Variants in IFNG-AS1 observed in about 807,000 individuals in gnomAD.
IFNG-AS1 encodes the protein IFNG antisense RNA 1 (non-protein coding).
At chr12:68,015,848 G>A (rs919864255) in intron 3 of IFNG-AS1, among the ~76,000 whole-genome samples, 6 of 152,076 alleles carry the variant, frequency 3.9e-5, no homozygotes, top group Admixed American at 6.6e-5. Context: ...CCAGTATAGC[G>A]TGGAGGTTAA....
Position 67,993,249 on chromosome 12 carries a change from C to T in IFNG-AS1, n.52-2692C>T, listed in dbSNP as rs193020464. Among the ~76,000 whole-genome samples the T allele has an allele frequency of 2.1e-3, 324 of 152,242 alleles. 2 individuals carry two copies. The highest frequency in any genetic ancestry group is 3.8e-3 in the Non-Finnish European group (258 of 68,002). On this transcript the variant is annotated intron_variant and non_coding_transcript_variant, in intron 1 of 5. Coordinates refer to ENST00000536914, the Ensembl canonical transcript of IFNG-AS1. ...TTAGAAAATCACCCTCTGTTTTTTA[C>T]GCAGTTCATGATGTACTTTCTTCTT...
At chr12:68,020,636 C>A (rs1406865090) in intron 4 of IFNG-AS1, 1 of 152,046 alleles carries the variant, frequency 6.6e-6, no homozygotes, top group East Asian at 1.9e-4. Flanking sequence ...ATACTTCCAC[C>A]AGAGAAGGGA....
intron 2 of IFNG-AS1, among the ~76,000 whole-genome samples, chr12:68,003,660 A>G (rs2120442686): frequency 6.6e-6 from 1 of 152,216 alleles, no homozygotes; most frequent in Non-Finnish European, 1.5e-5. Context: ...CACGCCTGTA[A>G]TCCCAGCACT....
intron 2 of IFNG-AS1, among the ~76,000 whole-genome samples, chr12:68,003,763 C>T (rs906365515): frequency 1.3e-5 from 2 of 151,942 alleles, no homozygotes; most frequent in Admixed American, 6.6e-5. Flanking sequence ...AAAAATTAGC[C>T]GGGCATGGTA....
chr12:68,003,619 C>A (rs1261905791), intron 2 of IFNG-AS1, among the ~76,000 whole-genome samples: 1 of 152,082 alleles, frequency 6.6e-6, no homozygotes, highest in Admixed American at 6.5e-5. Flanking sequence ...CTAAAGCTTA[C>A]AGAATCCGTA....
chr12:68,007,536 G>GA (rs1342755194), intron 3 of IFNG-AS1, among the ~76,000 whole-genome samples: 24 of 152,256 alleles, frequency 1.6e-4, no homozygotes, highest in South Asian at 6.2e-4. Context: ...ATTTTAAACT[G>GA]AAAAAATAGC....
At chr12:68,015,980 C>T (rs1051943986) in intron 3 of IFNG-AS1, among the ~76,000 whole-genome samples, 3 of 151,876 alleles carry the variant, frequency 2.0e-5, no homozygotes, top group African/African-American at 7.3e-5. Context: ...GAAATTGACA[C>T]AACTTCAAAT....
chr12:67,997,247 A>G (rs949926646), intron 2 of IFNG-AS1, among the ~76,000 whole-genome samples: 2 of 152,114 alleles, frequency 1.3e-5, no homozygotes, highest in African/African-American at 4.8e-5. Flanking sequence ...ACATTAAAAC[A>G]TACTATAAAG....
intron 2 of IFNG-AS1, among the ~76,000 whole-genome samples, chr12:68,002,476 G>T (rs1879792527): frequency 6.6e-6 from 1 of 152,176 alleles, no homozygotes. Context: ...CCCCACGTAA[G>T]CCCCTTACCC....
chr12:68,010,895 A>T (rs1370631667), intron 3 of IFNG-AS1, among the ~76,000 whole-genome samples: 1 of 152,162 alleles, frequency 6.6e-6, no homozygotes, highest in African/African-American at 2.4e-5. Context: ...GGATGGTGAC[A>T]ATTTCCTAGG....
At chr12:68,001,472 C>T (rs1879768168) in intron 2 of IFNG-AS1, 2 of 256,204 alleles carry the variant, frequency 7.8e-6, no homozygotes, top group Admixed American at 7.7e-5. Flanking sequence ...CATCTGATTC[C>T]ACTAGGGAAT....
intron 1 of IFNG-AS1, chr12:67,989,651 T>C (rs1831575190): frequency 6.6e-6 from 1 of 152,054 alleles, no homozygotes; most frequent in South Asian, 2.1e-4. Context: ...TTTCTTTAGG[T>C]TTTTAGCTCC....
intron 3 of IFNG-AS1, among the ~76,000 whole-genome samples, chr12:68,017,474 A>C (rs1326367419): frequency 2.6e-5 from 4 of 152,144 alleles, no homozygotes; most frequent in Admixed American, 1.3e-4. Context: ...AGATGGGAAC[A>C]AGTGAAAGGA....
chr12:67,999,011 T>C (rs1268764588), intron 2 of IFNG-AS1, among the ~76,000 whole-genome samples: 1 of 152,146 alleles, frequency 6.6e-6, no homozygotes, highest in Admixed American at 6.6e-5. Flanking sequence ...AGAAATGAGT[T>C]ACTAGTAAGG....
chr12:68,018,655 C>T (rs1314461524), intron 3 of IFNG-AS1, among the ~76,000 whole-genome samples: 3 of 152,128 alleles, frequency 2.0e-5, no homozygotes, highest in Admixed American at 2.0e-4. Flanking sequence ...CTTTACAAAA[C>T]CTTCCTTCAC....
At chr12:67,997,747 T>G (rs1327272491) in intron 2 of IFNG-AS1, among the ~76,000 whole-genome samples, 1 of 151,762 alleles carries the variant, frequency 6.6e-6, no homozygotes, top group Non-Finnish European at 1.5e-5. Context: ...AACATTAATC[T>G]TTCTATAATA....
At chr12:68,015,360 G>A (rs368638013) in intron 3 of IFNG-AS1, among the ~76,000 whole-genome samples, 3 of 152,286 alleles carry the variant, frequency 2.0e-5, no homozygotes, top group East Asian at 3.9e-4. Flanking sequence ...TAGAGTCCAC[G>A]TAAGGTTTGG....
At chr12:68,003,099 A>G (rs548190388) in intron 2 of IFNG-AS1, among the ~76,000 whole-genome samples, 2 of 152,226 alleles carry the variant, frequency 1.3e-5, no homozygotes, top group Non-Finnish European at 2.9e-5. Flanking sequence ...ATTGCATTAC[A>G]TAAATGTTCT....
At chr12:68,002,167 G>A (rs1336622914) in intron 2 of IFNG-AS1, among the ~76,000 whole-genome samples, 2 of 152,280 alleles carry the variant, frequency 1.3e-5, no homozygotes, top group African/African-American at 2.4e-5. Context: ...CCAAGGTCTT[G>A]AGTTCAAATT....
Sources: allele counts gnomAD v4.1 joint callset (sites outside exome capture counted in the v4.1 genomes callset), GRCh38; gene constraint gnomAD v4.1.1; transcripts MANE v1.5; gene names NCBI Gene and HGNC (gene_info 2026-07-23, HGNC 2026-07-21).